DCHS2: variants seen among roughly 807,000 people sequenced by gnomAD.
The protein encoded by DCHS2 is dachsous cadherin-related 2, also known as protocadherin-23.
A neutral mutation model predicts 182.4 loss-of-function variants in DCHS2; 142 were observed. The observed-to-expected ratio is 0.78, with a 90% confidence interval of 0.68 to 0.89. DCHS2 has a LOEUF of 0.89. Ranked by LOEUF, DCHS2 falls within the 40% of genes least tolerant of loss-of-function variation. DCHS2 has a pLI of 0.00. For missense variants in DCHS2, 4,319 were observed against 4,198.6 expected (o/e 1.03, Z -0.79); for synonymous variants, 1,740 against 1,663.3 (o/e 1.05, Z -1.12).
intron 1 of DCHS2, among the ~76,000 whole-genome samples, chr4:154,468,412 A>G (rs1735323884): frequency 6.6e-6 from 1 of 152,050 alleles, no homozygotes; most frequent in Admixed American, 6.6e-5. Context: ...CCAATGCAGA[A>G]TTTTCTCCTC....
rs1299388858 is a variant in DCHS2, at chr4:154,489,534, T to C, written c.1822A>G (p.Ile608Val). The change falls in exon 1 of 20, where the codon ATT becomes GTT. Residue 608 changes from isoleucine to valine, a missense_variant. Physicochemically the swap from Ile to Val is conservative, Grantham distance 29 (BLOSUM62 3). Coordinates refer to ENST00000357232, the MANE Select transcript of DCHS2 (RefSeq NM_001358235.2). Reference protein sequence around the residue: ...HTAECGPSFAIDSESGAISTI... With the variant: ...HTAECGPSFAVDSESGAISTI... The stretch of plus-strand genomic sequence containing the variant: ...CTGATCGCACCGCTTTCGGAATCAA[T>C]GGCAAAAGATGGTCCACACTCTGCG... The C allele has an allele frequency of 1.3e-6, 2 of 1,551,686 alleles. No homozygotes were observed.
intron 2 of DCHS2, among the ~76,000 whole-genome samples, chr4:154,376,564 T>C (rs528495604): frequency 6.6e-6 from 1 of 152,290 alleles, no homozygotes; most frequent in East Asian, 1.9e-4. Context: ...TTTCCTTAGT[T>C]GAAGAATTCC....
chr4:154,308,908 T>A (rs1735564050), intron 10 of DCHS2, among the ~76,000 whole-genome samples: 1 of 152,142 alleles, frequency 6.6e-6, no homozygotes, highest in African/African-American at 2.4e-5. Context: ...TGCCTTGATA[T>A]AACCGGAAAC....
At chr4:154,396,949 G>A (rs1470809308) in intron 1 of DCHS2, among the ~76,000 whole-genome samples, 1 of 152,004 alleles carries the variant, frequency 6.6e-6, no homozygotes, top group Non-Finnish European at 1.5e-5. Flanking sequence ...AAACCTTCCT[G>A]ATATAACTTC....
In DCHS2 at chr4:154,335,176, G is replaced by A. The variant is rs759610064; in HGVS notation, c.2477-72C>T. On this transcript the variant is annotated intron_variant, in intron 3 of 19. Transcript: ENST00000357232. ...ATACTGATGAGCAATAGTAACACCT[G>A]GTCTATTAAGTGTATTGTGATGTTT... 5.0e-4 allele frequency: 480 copies of A among 967,886 alleles called. 2 individuals are homozygous for A. Among genetic ancestry groups the A allele is most frequent in the Non-Finnish European group, 7.4e-4 (440 of 598,610 alleles). The allele number at this position is 967,886 out of a possible 1,614,324, so 60.0% of individuals were successfully genotyped here.
At chr4:154,325,564 A>G (rs1736246941) in intron 7 of DCHS2, among the ~76,000 whole-genome samples, 1 of 152,186 alleles carries the variant, frequency 6.6e-6, no homozygotes, top group South Asian at 2.1e-4. Context: ...CAACAAAAAG[A>G]GAAATTTGAG....
chr4:154,491,769 A>T lies in DCHS2; in HGVS notation c.-414T>A. ...TGAAGCGCGCACACACAAGGAGAGGATGGGGATCTGGCCGGAGTAGGGGGT... is the reference window on the plus strand; with the variant it reads ...TGAAGCGCGCACACACAAGGAGAGGTTGGGGATCTGGCCGGAGTAGGGGGT... On this transcript the variant is annotated 5_prime_UTR_variant, in exon 1 of 20. Coordinates refer to ENST00000357232, the MANE Select transcript of DCHS2 (RefSeq NM_001358235.2). The T allele has an allele frequency of 1.0e-6, 1 of 988,186 alleles. No homozygotes were observed. The highest frequency in any genetic ancestry group is 1.2e-6 in the Non-Finnish European group (1 of 833,654). The allele number at this position is 988,186 out of a possible 1,614,324, so 61.2% of individuals were successfully genotyped here. A position where few individuals can be genotyped will look rare whatever the true frequency, so the allele number is the denominator to read the frequency against.
chr4:154,241,209 C>T (rs1188255530), intron 17 of DCHS2, among the ~76,000 whole-genome samples: 1 of 152,072 alleles, frequency 6.6e-6, no homozygotes, highest in African/African-American at 2.4e-5. Context: ...TTACTCAGGA[C>T]ATTAATACAA....
chr4:154,316,652 C>T (rs537375563), intron 9 of DCHS2, among the ~76,000 whole-genome samples: 4 of 152,174 alleles, frequency 2.6e-5, no homozygotes, highest in African/African-American at 7.2e-5. Context: ...GGCATGGTGG[C>T]GGGTGCCTGT....
chr4:154,488,727 A>AC (rs1173124733), intron 1 of DCHS2, among the ~76,000 whole-genome samples: 8 of 151,970 alleles, frequency 5.3e-5, no homozygotes, highest in Non-Finnish European at 1.0e-4. Context: ...ACATGGTGAA[A>AC]CCCCATCTCC....
chr4:154,388,687 G>A (rs1301159495), intron 1 of DCHS2, among the ~76,000 whole-genome samples: 1 of 151,642 alleles, frequency 6.6e-6, no homozygotes, highest in South Asian at 2.1e-4. Flanking sequence ...GTAGAGATGG[G>A]GTTTCACCGT....
At chr4:154,383,337 G>A (rs1351888254) in intron 1 of DCHS2, among the ~76,000 whole-genome samples, 1 of 152,152 alleles carries the variant, frequency 6.6e-6, no homozygotes, top group African/African-American at 2.4e-5. Context: ...GAGGTTGGAA[G>A]AGGGTTGAAA....
intron 16 of DCHS2, among the ~76,000 whole-genome samples, chr4:154,251,770 C>T (rs1732373707): frequency 6.6e-6 from 1 of 152,186 alleles, no homozygotes; most frequent in Admixed American, 6.5e-5. Context: ...CTGCCCGCCT[C>T]AGCCTCCCAA....
At chr4:154,239,755 C>CA (rs1731710887) in intron 18 of DCHS2, among the ~76,000 whole-genome samples, 1 of 152,134 alleles carries the variant, frequency 6.6e-6, no homozygotes, top group African/African-American at 2.4e-5. Flanking sequence ...GTGATCCGCC[C>CA]ACCTCAGCCT....
intron 15 of DCHS2, among the ~76,000 whole-genome samples, chr4:154,257,742 C>T (rs1032720965): frequency 1.3e-5 from 2 of 152,152 alleles, no homozygotes; most frequent in Admixed American, 1.3e-4. Flanking sequence ...TTCTAATTTT[C>T]TGAACAGGAC....
intron 10 of DCHS2, among the ~76,000 whole-genome samples, chr4:154,306,601 G>A (rs897717268): frequency 3.3e-5 from 5 of 152,058 alleles, no homozygotes; most frequent in African/African-American, 1.2e-4. Context: ...CAAAGACAGA[G>A]TGCTGAGTCA....
intron 7 of DCHS2, chr4:154,323,313 C>A (rs1736151825): frequency 1.3e-6 from 2 of 1,544,900 alleles, no homozygotes; most frequent in Admixed American, 2.0e-5. Context: ...TTTTTCCCTT[C>A]AGAGGCATAG....
At chr4:154,379,756 A>G (rs1355149068) in intron 1 of DCHS2, among the ~76,000 whole-genome samples, 5 of 152,216 alleles carry the variant, frequency 3.3e-5, no homozygotes, top group African/African-American at 1.2e-4. Flanking sequence ...TAATTACAGT[A>G]CTTCCCAAAT....
chr4:154,428,329 CAA>C (rs1427918670), intron 1 of DCHS2, among the ~76,000 whole-genome samples: 1 of 151,998 alleles, frequency 6.6e-6, no homozygotes, highest in Non-Finnish European at 1.5e-5. Context: ...TGTTTGAGGC[CAA>C]GAGTTCAAGA....
Sources: allele counts gnomAD v4.1 joint callset (sites outside exome capture counted in the v4.1 genomes callset), GRCh38; gene constraint gnomAD v4.1.1; transcripts MANE v1.5; gene names NCBI Gene and HGNC (gene_info 2026-07-23, HGNC 2026-07-21).